Variants in MAP4K4 observed in about 807,000 individuals in gnomAD.
The protein encoded by MAP4K4 is HPK/GCK-like kinase HGK.
Under a neutral mutation model 189.6 loss-of-function variants are expected in MAP4K4, and 38 were observed. That is an observed-to-expected ratio of 0.20 (90% CI 0.15 to 0.26). MAP4K4 has a LOEUF of 0.26. MAP4K4 is among the 10% of genes least tolerant of loss of function. MAP4K4 has a pLI of 1.00. For missense variants in MAP4K4, 1,054 were observed against 1,726.9 expected (o/e 0.61, Z 6.91); for synonymous variants, 610 against 624.3 (o/e 0.98, Z 0.34).
At chr2:101,882,489 G>T (rs1379855730) in intron 27 of MAP4K4, 62 bp from the exon 28 acceptor site, 1 of 1,301,680 alleles carries the variant, frequency 7.7e-7, no homozygotes, top group Non-Finnish European at 1.0e-6. Context: ...GGTTACTATT[G>T]TTATTAATGA....
chr2:101,706,663 C>G (rs2042473388), intron 2 of MAP4K4, among the ~76,000 whole-genome samples: 1 of 152,146 alleles, frequency 6.6e-6, no homozygotes. Context: ...TTTTTTCTCC[C>G]TGGAGTTTCC....
At chr2:101,770,626 C>T (rs1473081224) in intron 2 of MAP4K4, among the ~76,000 whole-genome samples, 1 of 152,140 alleles carries the variant, frequency 6.6e-6, no homozygotes, top group African/African-American at 2.4e-5. Flanking sequence ...GTATGAAGCT[C>T]AGTAATGCAA....
chr2:101,791,617 A>G (rs987270406), intron 3 of MAP4K4, among the ~76,000 whole-genome samples: 1 of 152,228 alleles, frequency 6.6e-6, no homozygotes, highest in African/African-American at 2.4e-5. Flanking sequence ...ATAACTTTAA[A>G]TCCAGCCATA....
chr2:101,755,753 T>G (rs141085748), intron 2 of MAP4K4, among the ~76,000 whole-genome samples: 374 of 152,238 alleles, frequency 2.5e-3, no homozygotes, highest in African/African-American at 8.6e-3. Context: ...GGCCTACCCC[T>G]TGCCTTGTTA....
intron 2 of MAP4K4, among the ~76,000 whole-genome samples, chr2:101,729,212 T>C (rs1394750811): frequency 6.7e-6 from 1 of 149,754 alleles, no homozygotes. Context: ...GAAGACATTA[T>C]ACTCAGAAAA....
intron 2 of MAP4K4, among the ~76,000 whole-genome samples, chr2:101,719,009 C>A (rs1409365755): frequency 6.6e-6 from 1 of 152,116 alleles, no homozygotes; most frequent in African/African-American, 2.4e-5. Context: ...ACATTCAAAT[C>A]AATGATTTTG....
chr2:101,888,231 G>GT (rs1341680335), intron 31 of MAP4K4, among the ~76,000 whole-genome samples: 3 of 152,156 alleles, frequency 2.0e-5, no homozygotes, highest in African/African-American at 7.2e-5. Flanking sequence ...TGACCACTTT[G>GT]TAAAGGGAGA....
chr2:101,698,032 G>A lies in MAP4K4; in HGVS notation c.-49G>A, dbSNP rs574168509. ...CTGGTCTGCGGCTGAGATACACAGA[G>A]CGACAGAGACATTTATTGTTATTTG... On this transcript the variant is annotated 5_prime_UTR_variant, in exon 1 of 33. Coordinates refer to ENST00000324219, the Ensembl canonical transcript of MAP4K4. The A allele has an allele frequency of 2.4e-5, 30 of 1,261,066 alleles. No homozygotes were observed. In the Admixed American group the frequency reaches 4.5e-4, roughly 19 times the overall value. The allele number at this position is 1,261,066 out of a possible 1,614,324, so 78.1% of individuals were successfully genotyped here. A position where few individuals can be genotyped will look rare whatever the true frequency, so the allele number is the denominator to read the frequency against.
intron 3 of MAP4K4, among the ~76,000 whole-genome samples, chr2:101,810,848 T>G (rs1008610080): frequency 1.3e-5 from 2 of 152,222 alleles, no homozygotes; most frequent in African/African-American, 4.8e-5. Context: ...TACAGTATTC[T>G]TCTGTGCCAG....
At chr2:101,785,402 A>G (rs1302091618) in intron 2 of MAP4K4, among the ~76,000 whole-genome samples, 1 of 152,098 alleles carries the variant, frequency 6.6e-6, no homozygotes, top group Non-Finnish European at 1.5e-5. Flanking sequence ...TTTTTGATAG[A>G]GTGGTTGGTA....
chr2:101,893,740 C>T (rs1401974298), exon 33 of MAP4K4: 1 of 154,552 alleles, frequency 6.5e-6, no homozygotes, highest in Non-Finnish European at 1.4e-5. Context: ...AATGGTGTTT[C>T]ATTGGAATTA....
chr2:101,752,842 C>T (rs932838637), intron 2 of MAP4K4, among the ~76,000 whole-genome samples: 30 of 152,186 alleles, frequency 2.0e-4, no homozygotes, highest in African/African-American at 5.6e-4. Flanking sequence ...CCACTGTCCA[C>T]GTCTGTGTAT....
At chr2:101,868,796 A>G (rs543750615) in intron 21 of MAP4K4, among the ~76,000 whole-genome samples, 16 of 151,752 alleles carry the variant, frequency 1.1e-4, no homozygotes, top group African/African-American at 3.4e-4. Context: ...TGTCAGTGGC[A>G]TCCTAGTGCT....
intron 2 of MAP4K4, among the ~76,000 whole-genome samples, chr2:101,731,768 A>G (rs1442280758): frequency 1.3e-5 from 2 of 151,708 alleles, no homozygotes; most frequent in Non-Finnish European, 2.9e-5. Context: ...AAAAAAAAAA[A>G]AGATGGAGGG....
intron 2 of MAP4K4, among the ~76,000 whole-genome samples, chr2:101,772,331 GA>G (rs1448004801): frequency 6.6e-6 from 1 of 152,184 alleles, no homozygotes; most frequent in African/African-American, 2.4e-5. Context: ...TGACACAGCT[GA>G]AAAAGGATAT....
intron 3 of MAP4K4, among the ~76,000 whole-genome samples, chr2:101,818,184 A>G (rs1335313306): frequency 1.3e-5 from 2 of 152,216 alleles, no homozygotes; most frequent in East Asian, 3.8e-4. Flanking sequence ...GTTCACAGTC[A>G]CATAAAGAAA....
intron 2 of MAP4K4, among the ~76,000 whole-genome samples, chr2:101,768,258 G>A (rs1333281366): frequency 6.6e-6 from 1 of 152,160 alleles, no homozygotes; most frequent in African/African-American, 2.4e-5. Flanking sequence ...ATTTTGATCT[G>A]TTTCCTCTTT....
intron 7 of MAP4K4, 150 bp from the exon 8 acceptor site, chr2:101,834,259 T>G: frequency 2.8e-6 from 1 of 363,084 alleles, no homozygotes; most frequent in Non-Finnish European, 5.7e-6. Context: ...TCCCCTCCGC[T>G]CCGTAAGTTC....
chr2:101,744,568 A>G (rs1279945078), intron 2 of MAP4K4, among the ~76,000 whole-genome samples: 1 of 152,082 alleles, frequency 6.6e-6, no homozygotes, highest in Non-Finnish European at 1.5e-5. Flanking sequence ...GAGAGGCCTG[A>G]GCCAGTCTGT....
Sources: gnomAD v4.1 joint callset for allele counts (sites outside exome capture counted in the v4.1 genomes callset) on GRCh38, gnomAD v4.1.1 for gene constraint, MANE v1.5 for transcripts, NCBI Gene and HGNC (gene_info 2026-07-23, HGNC 2026-07-21) for gene names.